The following GAB1 variants were observed in gnomAD, a reference collection of about 807,000 sequenced individuals.
GAB1 encodes the protein GRB2 associated binding protein 1.
Under a neutral mutation model 66.5 loss-of-function variants are expected in GAB1, and 19 were observed. The observed-to-expected ratio is 0.29, with a 90% CI of 0.20 to 0.42. The LOEUF is 0.42. Ranked by LOEUF, GAB1 falls within the 10% of genes least tolerant of loss-of-function variation. The probability of loss-of-function intolerance (pLI) is 1.00; values close to 1 mark genes in which losing one functional copy is unlikely to be tolerated. For missense variants in GAB1, 732 were observed against 858.5 expected (o/e 0.85, Z 1.84); for synonymous variants, 294 against 301.4 (o/e 0.98, Z 0.25).
At chr4:143,422,806 A>C (rs1244416414) in intron 2 of GAB1, among the ~76,000 whole-genome samples, 3 of 152,216 alleles carry the variant, frequency 2.0e-5, no homozygotes, top group Non-Finnish European at 4.4e-5. Flanking sequence ...AGTAAATTTC[A>C]ATTAGGAGTT....
intron 2 of GAB1, among the ~76,000 whole-genome samples, chr4:143,428,113 T>C (rs771290201): frequency 5.3e-5 from 8 of 152,182 alleles, no homozygotes; most frequent in Non-Finnish European, 1.0e-4. Context: ...GCCATGGATA[T>C]TGGTATAACC....
intron 3 of GAB1, chr4:143,434,208 T>A: frequency 9.5e-7 from 1 of 1,049,924 alleles, no homozygotes; most frequent in Non-Finnish European, 1.3e-6. Flanking sequence ...TGTGAGAAAT[T>A]AATCATAAGG....
At chr4:143,462,149 T>G (rs1382617439) in intron 8 of GAB1, among the ~76,000 whole-genome samples, 4 of 152,190 alleles carry the variant, frequency 2.6e-5, no homozygotes, top group African/African-American at 9.6e-5. Context: ...ATATCAATAA[T>G]GTTTTCACTG....
At chr4:143,338,170 C>T (rs1212556173) in intron 1 of GAB1, among the ~76,000 whole-genome samples, 1 of 152,218 alleles carries the variant, frequency 6.6e-6, no homozygotes, top group Non-Finnish European at 1.5e-5. Flanking sequence ...CCTGTGTCCT[C>T]TTCAGAGGTC....
At chr4:143,376,145 T>C (rs1193940871) in intron 1 of GAB1, among the ~76,000 whole-genome samples, 4 of 152,112 alleles carry the variant, frequency 2.6e-5, no homozygotes, top group African/African-American at 9.7e-5. Context: ...TTTATACTTA[T>C]GCTTTATACC....
At chr4:143,365,441 C>T (rs1729843391) in intron 1 of GAB1, among the ~76,000 whole-genome samples, 1 of 152,136 alleles carries the variant, frequency 6.6e-6, no homozygotes, top group African/African-American at 2.4e-5. Flanking sequence ...ATGTCTAGTA[C>T]AAGACTTGAC....
chr4:143,347,726 G>T (rs768160929), intron 1 of GAB1, among the ~76,000 whole-genome samples: 5 of 152,212 alleles, frequency 3.3e-5, no homozygotes, highest in Admixed American at 6.5e-5. Context: ...GAGACATTCT[G>T]GTAGAAGAAT....
At chr4:143,357,922 A>AT (rs914198806) in intron 1 of GAB1, among the ~76,000 whole-genome samples, 5 of 151,864 alleles carry the variant, frequency 3.3e-5, no homozygotes, top group African/African-American at 1.2e-4. Context: ...GAGCATTCCT[A>AT]TTTTTTTATA....
At chr4:143,415,428 A>G (rs779376626) in intron 1 of GAB1, 49 bp from the exon 2 acceptor site, 108 of 1,391,254 alleles carry the variant, frequency 7.8e-5, no homozygotes, top group Non-Finnish European at 1.0e-4. Context: ...TCTTCTTGAA[A>G]ACATTATCTC....
chr4:143,369,248 TG>T (rs764128667), intron 1 of GAB1, among the ~76,000 whole-genome samples: 1 of 152,074 alleles, frequency 6.6e-6, no homozygotes, highest in African/African-American at 2.4e-5. Context: ...GCCATTTTTT[TG>T]TATTTTTAGT....
intron 1 of GAB1, among the ~76,000 whole-genome samples, chr4:143,371,667 G>GCGTAGGTTTGTTCTAGGTATTGCGTAGGT (rs1191971145): frequency 1.3e-5 from 2 of 152,172 alleles, no homozygotes; most frequent in African/African-American, 4.8e-5. Context: ...TTCTTCTAGG[G>GCGTAGGTTTGTTCTAGGTATTGCGTAGGT]TTTTTATGGT....
chr4:143,375,621 A>C (rs958504665), intron 1 of GAB1, among the ~76,000 whole-genome samples: 1 of 152,222 alleles, frequency 6.6e-6, no homozygotes, highest in Admixed American at 6.5e-5. Context: ...TTAGGAGTTA[A>C]AAGTCTCTTC....
At chr4:143,440,934 G>A (rs918987284) in intron 6 of GAB1, among the ~76,000 whole-genome samples, 2 of 152,194 alleles carry the variant, frequency 1.3e-5, no homozygotes, top group African/African-American at 4.8e-5. Context: ...CTTCTCCAGA[G>A]TATATAATAT....
intron 1 of GAB1, among the ~76,000 whole-genome samples, chr4:143,413,387 T>C (rs1460951514): frequency 6.6e-6 from 1 of 152,208 alleles, no homozygotes; most frequent in Non-Finnish European, 1.5e-5. Flanking sequence ...CAACACTTTA[T>C]GACTTTTCAA....
chr4:143,347,824 G>A (rs1244892285), intron 1 of GAB1, among the ~76,000 whole-genome samples: 1 of 152,218 alleles, frequency 6.6e-6, no homozygotes. Flanking sequence ...GATGGATTCA[G>A]TTTTCAAAGA....
intron 6 of GAB1, among the ~76,000 whole-genome samples, chr4:143,446,039 C>T (rs1734502108): frequency 6.6e-6 from 1 of 152,042 alleles, no homozygotes; most frequent in Non-Finnish European, 1.5e-5. Context: ...TGAGAACATG[C>T]AGTGTTTGGT....
intron 6 of GAB1, among the ~76,000 whole-genome samples, chr4:143,446,756 C>T (rs1385846543): frequency 6.6e-6 from 1 of 152,002 alleles, no homozygotes; most frequent in Non-Finnish European, 1.5e-5. Context: ...CCTGTTCACT[C>T]TGATGGTAGT....
At chr4:143,461,547 G>T (rs993731026) in intron 8 of GAB1, among the ~76,000 whole-genome samples, 1 of 152,188 alleles carries the variant, frequency 6.6e-6, no homozygotes, top group African/African-American at 2.4e-5. Flanking sequence ...ACAGTACCTC[G>T]AAACTGCTTT....
rs562670512 is a variant in GAB1 at position 143,416,177 on chromosome 4, G to A, written c.367+406G>A. 6.5e-3 allele frequency among the ~76,000 whole-genome samples: 983 copies of A among 151,052 alleles called. 16 individuals are homozygous for A. The highest frequency in any genetic ancestry group is 0.022 in the African/African-American group (920 of 41,158). ...TCCCAGCACTCTGGGAGGCCGAGGC[G>A]GGTGGATCACGAGGTCAGGAGATCA... On this transcript the variant is annotated intron_variant, in intron 2 of 9. Transcript: ENST00000262994.
Sources: allele counts gnomAD v4.1 joint callset (sites outside exome capture counted in the v4.1 genomes callset), GRCh38; gene constraint gnomAD v4.1.1; transcripts MANE v1.5; gene names NCBI Gene and HGNC (gene_info 2026-07-23, HGNC 2026-07-21).